SLC4A8: variants seen among roughly 807,000 people sequenced by gnomAD.
SLC4A8 encodes the protein solute carrier family 4 member 8.
SLC4A8 carries 40 observed loss-of-function variants against 125.0 expected under a neutral mutation model. The ratio of observed to expected loss-of-function variants is 0.32; its 90% CI spans 0.25 to 0.42. SLC4A8 has a LOEUF of 0.42. Ranked by LOEUF, SLC4A8 falls within the 10% of genes least tolerant of loss-of-function variation. SLC4A8 has a pLI of 1.00. For synonymous variants in SLC4A8, 456 were observed against 476.0 expected, an observed-to-expected ratio of 0.96 and a Z score of 0.55; for missense variants, 863 against 1,355.1, an observed-to-expected ratio of 0.64 and a Z score of 5.70.
intron 16 of SLC4A8, among the ~76,000 whole-genome samples, chr12:51,479,020 G>A (rs1950940317): frequency 6.6e-6 from 1 of 152,184 alleles, no homozygotes; most frequent in Admixed American, 6.5e-5. Flanking sequence ...TTGATATGAT[G>A]ACCCAAGAGT....
intron 1 of SLC4A8, among the ~76,000 whole-genome samples, chr12:51,397,024 G>T (rs1948277303): frequency 7.0e-6 from 1 of 141,958 alleles, no homozygotes; most frequent in African/African-American, 2.6e-5. Context: ...CCACCTTCCA[G>T]GTTCAAGCGA....
At chr12:51,402,460 G>A (rs1210320157) in intron 1 of SLC4A8, among the ~76,000 whole-genome samples, 1 of 152,154 alleles carries the variant, frequency 6.6e-6, no homozygotes, top group African/African-American at 2.4e-5. Flanking sequence ...AGTAGCTCAC[G>A]CCTGTAATCT....
At chr12:51,500,761 A>T (rs1461918924) in intron 22 of SLC4A8, among the ~76,000 whole-genome samples, 2 of 150,228 alleles carry the variant, frequency 1.3e-5, no homozygotes, top group Admixed American at 1.3e-4. Context: ...ATCTCGGCTC[A>T]CTGCAAGCTC....
At chr12:51,409,779 C>T (rs1022914463) in intron 1 of SLC4A8, among the ~76,000 whole-genome samples, 2 of 152,182 alleles carry the variant, frequency 1.3e-5, no homozygotes, top group Non-Finnish European at 2.9e-5. Flanking sequence ...AGTCTGGCTG[C>T]TCGCTGCCTG....
At chr12:51,505,311 G>T (rs1938119042) in intron 23 of SLC4A8, among the ~76,000 whole-genome samples, 1 of 152,142 alleles carries the variant, frequency 6.6e-6, no homozygotes, top group Non-Finnish European at 1.5e-5. Flanking sequence ...GTTTGACCTT[G>T]GATAGTCACT....
At chr12:51,494,751 C>A (rs1053854044) in intron 20 of SLC4A8, 194 bp from the exon 21 acceptor site, 2 of 464,904 alleles carry the variant, frequency 4.3e-6, no homozygotes, top group African/African-American at 1.9e-5. Flanking sequence ...AAGATGGATT[C>A]AAATTTTGAC....
intron 15 of SLC4A8, 56 bp downstream of exon 15, chr12:51,474,503 C>A: frequency 6.4e-7 from 1 of 1,569,054 alleles, no homozygotes; most frequent in African/African-American, 1.4e-5. Context: ...TTAGGAGGGA[C>A]TTCTAAGTGA....
At chr12:51,433,886 T>TC (rs1245131034) in intron 1 of SLC4A8, among the ~76,000 whole-genome samples, 2 of 123,942 alleles carry the variant, frequency 1.6e-5, no homozygotes, top group African/African-American at 6.3e-5. Context: ...TTTGGTTGGT[T>TC]TTTTTTTGAG....
At chr12:51,404,847 C>CT (rs59672893) in intron 1 of SLC4A8, among the ~76,000 whole-genome samples, 36,738 of 151,964 alleles carry the variant, frequency 0.24, 6,859 homozygotes, top group African/African-American at 0.52. Flanking sequence ...TCTTTTGTCT[C>CT]TTTTTCTTTC....
chr12:51,459,716 A>G (rs369944419), intron 7 of SLC4A8, among the ~76,000 whole-genome samples: 2 of 152,182 alleles, frequency 1.3e-5, no homozygotes, highest in South Asian at 4.1e-4. Context: ...CTAAAAATAC[A>G]GAAAAATTAG....
chr12:51,393,019 G>A (rs1309984077), intron 1 of SLC4A8, among the ~76,000 whole-genome samples: 1 of 151,174 alleles, frequency 6.6e-6, no homozygotes, highest in Non-Finnish European at 1.5e-5. Flanking sequence ...CTGCTGCCCC[G>A]CCTCCCTCCT....
In SLC4A8 at chr12:51,504,038, A is replaced by C; in HGVS notation, c.3091A>C (p.Lys1031Gln). ...KKAKEEEEAE[K>Q]MLEIGGDKFP... ...TTTCTTTTTCTTCCAGGAGGCTGAG[A>C]AAATGTTAGAAATTGGGGGAGACAA... The change falls in exon 23 of 25, where the codon AAA becomes CAA. Residue 1031 changes from lysine (K) to glutamine (Q), a missense_variant. By Grantham distance (53) the Lys-to-Gln change is moderately conservative. Transcript: ENST00000453097. 1 of 1,574,270 alleles carries C rather than the reference A, an allele frequency of 6.4e-7. No homozygotes were observed. The highest frequency in any genetic ancestry group is 8.7e-7 in the Non-Finnish European group (1 of 1,155,918).
intron 16 of SLC4A8, among the ~76,000 whole-genome samples, chr12:51,476,505 A>G (rs1950859342): frequency 1.3e-5 from 2 of 152,174 alleles, no homozygotes; most frequent in East Asian, 1.9e-4. Context: ...TAAAAAAAAA[A>G]AGAGCACAGT....
chr12:51,470,305 A>G, intron 12 of SLC4A8, 87 bp from the exon 13 acceptor site: 1 of 1,295,502 alleles, frequency 7.7e-7, no homozygotes, highest in East Asian at 2.3e-5. Flanking sequence ...CAAGGCACAC[A>G]GGAGAGCAAA....
chr12:51,396,370 A>G (rs562147552), intron 1 of SLC4A8, among the ~76,000 whole-genome samples: 1 of 152,332 alleles, frequency 6.6e-6, no homozygotes, highest in African/African-American at 2.4e-5. Context: ...TGTAAAAATG[A>G]CTATGAAGGA....
intron 14 of SLC4A8, among the ~76,000 whole-genome samples, chr12:51,473,695 A>G (rs772961380): frequency 5.9e-5 from 9 of 152,322 alleles, no homozygotes; most frequent in South Asian, 2.1e-4. Context: ...ATGGTGGCCA[A>G]TGGCACAGGT....
At chr12:51,440,890 C>A in intron 2 of SLC4A8, 101 bp downstream of exon 2, 2 of 1,087,640 alleles carry the variant, frequency 1.8e-6, no homozygotes, top group Non-Finnish European at 2.6e-6. Flanking sequence ...GCTGTCAGAC[C>A]TTGGGGAAAA....
In SLC4A8 at chr12:51,424,852, C is replaced by T; in HGVS notation, c.-136C>T. On this transcript the variant is annotated 5_prime_UTR_variant, in exon 1 of 25. Coordinates refer to ENST00000453097, the MANE Select transcript of SLC4A8 (RefSeq NM_001039960.3). ...CCTCGCGGGCCGGTGGCTATGGAGGCGGCGGCGGTTGATGGTTGACCGTTG... is the reference window on the plus strand; with the variant it reads ...CCTCGCGGGCCGGTGGCTATGGAGGTGGCGGCGGTTGATGGTTGACCGTTG... 1.1e-6 allele frequency: 1 copy of T among 899,718 alleles called. No homozygotes were observed. The highest frequency in any genetic ancestry group is 1.7e-6 in the Non-Finnish European group (1 of 591,726). The allele number at this position is 899,718 out of a possible 1,614,324, so 55.7% of individuals were successfully genotyped here.
At chr12:51,416,207 T>TTATG (rs1948683003) in intron 1 of SLC4A8, among the ~76,000 whole-genome samples, 1 of 119,882 alleles carries the variant, frequency 8.3e-6, no homozygotes, top group Non-Finnish European at 1.8e-5. Flanking sequence ...GATGGAGGTC[T>TTATG]TTTGTTTTTT....
Sources: gnomAD v4.1 joint callset for allele counts (sites outside exome capture counted in the v4.1 genomes callset) on GRCh38, gnomAD v4.1.1 for gene constraint, MANE v1.5 for transcripts, NCBI Gene and HGNC (gene_info 2026-07-23, HGNC 2026-07-21) for gene names.